The following KCNMA1 variants were observed in gnomAD, a reference collection of about 807,000 sequenced individuals.
KCNMA1 encodes potassium calcium-activated channel subfamily M alpha 1.
Under a neutral mutation model 140.0 loss-of-function variants are expected in KCNMA1, and 29 were observed. The ratio of observed to expected loss-of-function variants is 0.21; its 90% confidence interval spans 0.15 to 0.28. The LOEUF (loss-of-function observed/expected upper bound fraction) is 0.28, where lower values mean the gene tolerates loss of function less well. Among genes scored for constraint, KCNMA1 ranks in the 10% least tolerant of loss-of-function variants. The pLI is 1.00. For missense variants in KCNMA1, 880 were observed against 1,602.2 expected (o/e 0.55, Z 7.70); for synonymous variants, 612 against 611.9 (o/e 1.00, Z 0.00).
chr10:77,021,986 G>A (rs951529904), intron 16 of KCNMA1, among the ~76,000 whole-genome samples: 6 of 152,180 alleles, frequency 3.9e-5, no homozygotes, highest in Non-Finnish European at 5.9e-5. Context: ...AATCTAGAAA[G>A]TTTAAATAAA....
Position 77,255,912 on chromosome 10 carries a change from C to CAA in KCNMA1, c.541-4658_541-4657dup, listed in dbSNP as rs35233819. Reference sequence around the variant, plus strand: ...TGGGCAACAGAGTGAGACTCCATCTCAAAAAAAAAAAAAAAAAAATCTGTC... The same window carrying CAA: ...TGGGCAACAGAGTGAGACTCCATCTCAAAAAAAAAAAAAAAAAAAAATCTGTC... On this transcript the variant is annotated intron_variant, in intron 2 of 27. Coordinates refer to ENST00000286628, the MANE Select transcript of KCNMA1 (RefSeq NM_001161352.2). Among the ~76,000 whole-genome samples the CAA allele has an allele frequency of 1.8e-3, 212 of 117,418 alleles. 1 individual carries two copies. Among genetic ancestry groups the CAA allele is most frequent in the South Asian group, 4.1e-3 (14 of 3,392 alleles). The allele number at this position is 117,418 out of a possible 152,430, so 77.0% of individuals were successfully genotyped here.
intron 1 of KCNMA1, among the ~76,000 whole-genome samples, chr10:77,434,803 C>A (rs920106336): frequency 2.0e-5 from 3 of 152,114 alleles, no homozygotes; most frequent in African/African-American, 7.2e-5. Context: ...TCAAGGTCAG[C>A]GGGTTTTGGA....
intron 25 of KCNMA1, chr10:76,904,358 C>T (rs1411825397): frequency 6.6e-6 from 1 of 152,346 alleles, no homozygotes; most frequent in Non-Finnish European, 1.5e-5. Flanking sequence ...ACACACCTGC[C>T]TTAACTGGCT....
chr10:77,165,277 G>C (rs1342506557), intron 5 of KCNMA1, among the ~76,000 whole-genome samples: 1 of 152,152 alleles, frequency 6.6e-6, no homozygotes, highest in Non-Finnish European at 1.5e-5. Context: ...ATGCAGAGAA[G>C]TCCTCACTTA....
At chr10:76,871,752 C>T (rs1445671054) in exon 28 of KCNMA1, 2 of 152,198 alleles carry the variant, frequency 1.3e-5, no homozygotes, top group African/African-American at 4.8e-5. Context: ...TCCTAAACCC[C>T]CCTTTCTCTA....
At chr10:77,146,390 A>G (rs1176036059) in intron 5 of KCNMA1, among the ~76,000 whole-genome samples, 1 of 152,128 alleles carries the variant, frequency 6.6e-6, no homozygotes, top group African/African-American at 2.4e-5. Context: ...CTGAATGTCT[A>G]TGACTGCATG....
intron 19 of KCNMA1, among the ~76,000 whole-genome samples, chr10:76,983,062 C>T (rs181670319): frequency 6.6e-6 from 1 of 152,350 alleles, no homozygotes; most frequent in East Asian, 1.9e-4. Flanking sequence ...TCCAGCTGAT[C>T]CCATCCCCTC....
At chr10:77,627,638 C>A (rs745490696) in intron 1 of KCNMA1, among the ~76,000 whole-genome samples, 2 of 152,206 alleles carry the variant, frequency 1.3e-5, no homozygotes, top group African/African-American at 4.8e-5. Flanking sequence ...CATGGAAACA[C>A]CACCCAGCTC....
intron 9 of KCNMA1, among the ~76,000 whole-genome samples, chr10:77,093,817 T>C (rs1284317797): frequency 6.6e-6 from 1 of 152,186 alleles, no homozygotes; most frequent in Non-Finnish European, 1.5e-5. Context: ...AGGGCATGAT[T>C]TGAAGAATGC....
At chr10:76,951,158 A>T (rs1235128196) in intron 21 of KCNMA1, among the ~76,000 whole-genome samples, 2 of 152,190 alleles carry the variant, frequency 1.3e-5, no homozygotes, top group East Asian at 3.9e-4. Flanking sequence ...AGGCACAGTT[A>T]GTTGAGTGGC....
At chr10:77,581,296 T>TG (rs1469494768) in intron 1 of KCNMA1, among the ~76,000 whole-genome samples, 2 of 138,914 alleles carry the variant, frequency 1.4e-5, no homozygotes, top group African/African-American at 5.5e-5. Context: ...AGGCTCTGTT[T>TG]GATACCCAAT....
At chr10:77,512,660 C>T (rs984021831) in intron 1 of KCNMA1, among the ~76,000 whole-genome samples, 4 of 152,066 alleles carry the variant, frequency 2.6e-5, no homozygotes, top group African/African-American at 9.7e-5. Context: ...TTAGGGTGGG[C>T]CCTCATCCAA....
chr10:77,365,725 T>G (rs1457776893), intron 2 of KCNMA1, among the ~76,000 whole-genome samples: 1 of 152,236 alleles, frequency 6.6e-6, no homozygotes, highest in African/African-American at 2.4e-5. Context: ...TGCCGCTGAC[T>G]TCCCAAATGA....
chr10:77,174,180 G>C (rs2098733329), intron 5 of KCNMA1, among the ~76,000 whole-genome samples: 1 of 152,132 alleles, frequency 6.6e-6, no homozygotes, highest in African/African-American at 2.4e-5. Flanking sequence ...GGCCTACTGA[G>C]TCCTTAAGTA....
chr10:77,257,777 G>C (rs892206028), intron 2 of KCNMA1, among the ~76,000 whole-genome samples: 3 of 152,154 alleles, frequency 2.0e-5, no homozygotes, highest in African/African-American at 7.2e-5. Flanking sequence ...TTATAAAGGG[G>C]AGTTTCCCTG....
Position 77,469,100 on chromosome 10 carries a change from G to A in KCNMA1, c.379-65077C>T, listed in dbSNP as rs186066924. Among the ~76,000 whole-genome samples, 61 of 152,204 alleles carry A rather than the reference G, an allele frequency of 4.0e-4. No individual in the cohort carries two copies. The East Asian group carries it at 0.012, about 29-fold the overall frequency. The stretch of plus-strand genomic sequence containing the variant: ...TCTGCACTTGCATAAGGTTTCTTTT[G>A]CTCTAGCCATGTACTTTGCTGACTG... On this transcript the variant is annotated intron_variant, in intron 1 of 27. Coordinates refer to ENST00000286628, the MANE Select transcript of KCNMA1 (RefSeq NM_001161352.2).
At chr10:77,266,060 A>C (rs1333374156) in intron 2 of KCNMA1, among the ~76,000 whole-genome samples, 1 of 139,562 alleles carries the variant, frequency 7.2e-6, no homozygotes, top group East Asian at 2.0e-4. Flanking sequence ...CAACCTGGGC[A>C]ATGAGAGTGA....
At chr10:77,612,524 C>G (rs1417081534) in intron 1 of KCNMA1, among the ~76,000 whole-genome samples, 1 of 152,202 alleles carries the variant, frequency 6.6e-6, no homozygotes, top group Non-Finnish European at 1.5e-5. Flanking sequence ...CCTAGGAGCG[C>G]TTGTGGTCGG....
Position 77,553,157 on chromosome 10 carries a change from A to G in KCNMA1, c.378+84108T>C, listed in dbSNP as rs117662811. On this transcript the variant is annotated intron_variant, in intron 1 of 27. Coordinates refer to ENST00000286628, the MANE Select transcript of KCNMA1 (RefSeq NM_001161352.2). ...CACAGACATTAACATTTTAGTGATGAAATAACAAAGCTGATATTCTCAGTA... is the reference window on the plus strand; with the variant it reads ...CACAGACATTAACATTTTAGTGATGGAATAACAAAGCTGATATTCTCAGTA... Among the ~76,000 whole-genome samples the G allele has an allele frequency of 7.6e-3, 1,155 of 152,390 alleles. 8 individuals carry two copies. The highest frequency in any genetic ancestry group is 0.02 in the Middle Eastern group (6 of 294).
Sources: allele counts gnomAD v4.1 joint callset (sites outside exome capture counted in the v4.1 genomes callset), GRCh38; gene constraint gnomAD v4.1.1; transcripts MANE v1.5; gene names NCBI Gene and HGNC (gene_info 2026-07-23, HGNC 2026-07-21).